RNF19A: variants seen among roughly 807,000 people sequenced by gnomAD.
The protein encoded by RNF19A is ring finger protein 19A, RBR E3 ubiquitin protein ligase.
A neutral mutation model predicts 75.7 loss-of-function variants in RNF19A; 32 were observed. The ratio of observed to expected loss-of-function variants is 0.42; its 90% CI spans 0.32 to 0.57. The LOEUF is 0.57. RNF19A is among the 20% of genes least tolerant of loss of function. The pLI is 0.10. For synonymous variants in RNF19A, 335 were observed against 345.2 expected, an observed-to-expected ratio of 0.97 and a Z score of 0.33; for missense variants, 782 against 1,036.3, an observed-to-expected ratio of 0.75 and a Z score of 3.37.
chr8:100,315,510 T>A (rs7830342), intron 1 of RNF19A, among the ~76,000 whole-genome samples: 70,139 of 151,942 alleles, frequency 0.46, 17,153 homozygotes, highest in African/African-American at 0.63. Context: ...AGAGATTCTC[T>A]TTCAGCACAA....
At chr8:100,314,458 G>A (rs1050814034), upstream of RNF19A, among the ~76,000 whole-genome samples, 1 of 152,080 alleles carries the variant, frequency 6.6e-6, no homozygotes, top group Admixed American at 6.6e-5. This position sits in a 1 kb window ranked among gnomAD's most constrained non-coding sequence, Gnocchi z 4.1. Flanking sequence ...CGGCAGGCTG[G>A]CTCCAGAGCT....
At chr8:100,314,153 A>G (rs1420246963), upstream of RNF19A, among the ~76,000 whole-genome samples, 1 of 151,982 alleles carries the variant, frequency 6.6e-6, no homozygotes, top group African/African-American at 2.4e-5. The surrounding 1 kb of genome is among the most constrained non-coding windows in gnomAD (Gnocchi z 4.1). Context: ...AAGTGCTGGG[A>G]TTGCAGGCAT....
At chr8:100,283,808 T>C (rs896674370) in intron 2 of RNF19A, among the ~76,000 whole-genome samples, 2 of 152,206 alleles carry the variant, frequency 1.3e-5, no homozygotes, top group African/African-American at 4.8e-5. Context: ...AAGTGTGTTA[T>C]ATAATAAAAG....
At position 100,276,548 on chromosome 8, in the gene RNF19A, T is replaced by TC. The variant is rs1036972301; in HGVS notation, c.675-1388dup. On this transcript the variant is annotated intron_variant, in intron 2 of 9. Coordinates refer to ENST00000341084, the MANE Select transcript of RNF19A (RefSeq NM_183419.4). The stretch of plus-strand genomic sequence containing the variant: ...GGGCAGATCACTTGAGGTCAGGAGT[T>TC]CAAGACCAGCCTGGTCAACATGGCA... Among the ~76,000 whole-genome samples, 27 of 151,712 alleles carry TC rather than the reference T, an allele frequency of 1.8e-4. 1 individual carries two copies. Among genetic ancestry groups the TC allele is most frequent in the African/African-American group, 6.0e-4 (25 of 41,342 alleles).
At chr8:100,307,547 C>CA (rs148803630) in intron 1 of RNF19A, among the ~76,000 whole-genome samples, 9,314 of 145,468 alleles carry the variant, frequency 0.064, 929 homozygotes, top group African/African-American at 0.21. Flanking sequence ...ACTGCCGCAA[C>CA]AAAAAAAAAA....
rs572435476 is a variant in RNF19A, at chr8:100,329,360, G to GA, written c.-243+6747dup. On this transcript the variant is annotated intron_variant, in intron 1 of 3. Transcript: ENST00000519527. The surrounding 1 kb of genome is among the most constrained non-coding windows in gnomAD (Gnocchi z 4.3). Reference sequence around the variant, plus strand: ...CCTGACTTGGCAGCCATTCATGAGGGAAAAAAAAAAGACTTGGGATTTTAA... The same window carrying GA: ...CCTGACTTGGCAGCCATTCATGAGGGAAAAAAAAAAAGACTTGGGATTTTAA... Among the ~76,000 whole-genome samples the GA allele has an allele frequency of 2.7e-5, 4 of 146,038 alleles. No homozygotes were observed. Among genetic ancestry groups the GA allele is most frequent in the Non-Finnish European group, 3.0e-5 (2 of 66,138 alleles).
At chr8:100,280,401 A>G (rs1332890631) in intron 2 of RNF19A, among the ~76,000 whole-genome samples, 1 of 152,172 alleles carries the variant, frequency 6.6e-6, no homozygotes, top group African/African-American at 2.4e-5. Context: ...GAGGACAGGT[A>G]GGGTTACGGG....
chr8:100,261,567 T>C lies in RNF19A; in HGVS notation c.1657A>G (p.Ser553Gly). The change falls in exon 8 of 10, where the codon AGT becomes GGT. Residue 553 changes from serine (S) to glycine (G), a missense_variant. Around this residue, in one of 7 missense-constraint regions of RNF19A, gnomAD observed 442 missense variants for 541.6 expected, o/e 0.82. Transcript: ENST00000341084. This position sits in a 1 kb window ranked among gnomAD's most constrained non-coding sequence, Gnocchi z 4.4. ...CTGTTAAAACAGTTTACCATGGCAC[T>C]TCCTGACAGACTCCCCGTTATACTG... Reference protein sequence around the residue: ...GASITGSLSGSAMVNCFNRLE... With the variant: ...GASITGSLSGGAMVNCFNRLE... 6.2e-7 allele frequency: 1 copy of C among 1,614,120 alleles called. No individual in the cohort carries two copies. Among genetic ancestry groups the C allele is most frequent in the Non-Finnish European group, 8.5e-7 (1 of 1,179,998 alleles).
chr8:100,294,485 T>C (rs1030647148), intron 1 of RNF19A, among the ~76,000 whole-genome samples: 1 of 152,192 alleles, frequency 6.6e-6, no homozygotes, highest in African/African-American at 2.4e-5. Context: ...AGGGGACATC[T>C]AGATATCTGA....
intron 1 of RNF19A, among the ~76,000 whole-genome samples, chr8:100,335,333 T>C (rs1307883249): frequency 1.3e-5 from 2 of 152,224 alleles, no homozygotes; most frequent in African/African-American, 4.8e-5. Flanking sequence ...ACTATTATTA[T>C]CCTCATTTTA....
chr8:100,310,459 C>G (rs1020922107), upstream of RNF19A: 4 of 160,150 alleles, frequency 2.5e-5, no homozygotes, highest in African/African-American at 9.6e-5. Flanking sequence ...GAGCTGCGCC[C>G]GGTTGAAGGG....
At chr8:100,306,193 C>A (rs1822054480) in intron 1 of RNF19A, among the ~76,000 whole-genome samples, 1 of 152,146 alleles carries the variant, frequency 6.6e-6, no homozygotes, top group Non-Finnish European at 1.5e-5. Context: ...GGGGCCAACT[C>A]CAGTTTTTTG....
chr8:100,266,742 G>C (rs1337294101), intron 5 of RNF19A, among the ~76,000 whole-genome samples: 1 of 151,880 alleles, frequency 6.6e-6, no homozygotes, highest in Non-Finnish European at 1.5e-5. Context: ...CAAACTCCTG[G>C]ATTAATGCAA....
At chr8:100,270,047 T>A in intron 3 of RNF19A, 34 bp from the exon 4 acceptor site, 1 of 1,477,374 alleles carries the variant, frequency 6.8e-7, no homozygotes, top group Non-Finnish European at 9.0e-7. Flanking sequence ...ATTAAGTACA[T>A]AAAACTGGTC....
chr8:100,292,267 G>A (rs754775591), intron 1 of RNF19A, among the ~76,000 whole-genome samples: 5 of 152,134 alleles, frequency 3.3e-5, no homozygotes, highest in Admixed American at 1.3e-4. Flanking sequence ...GGGAATCCAC[G>A]AGGAACATTT....
Position 100,333,810 on chromosome 8 carries a change from C to T in RNF19A, c.-243+2298G>A, listed in dbSNP as rs7817475. 0.019 allele frequency among the ~76,000 whole-genome samples: 2,882 copies of T among 152,224 alleles called. 84 individuals are homozygous for T. Among genetic ancestry groups the T allele is most frequent in the African/African-American group, 0.065 (2,695 of 41,518 alleles). On this transcript the variant is annotated intron_variant, in intron 1 of 3. Transcript: ENST00000519527. The surrounding 1 kb of genome is among the most constrained non-coding windows in gnomAD (Gnocchi z 4.7). ...TCCAGCCTGGGCAATAGAGTGACAC[C>T]CTGTCTGTAAACAATAACAACAAAA...
intron 3 of RNF19A, among the ~76,000 whole-genome samples, chr8:100,273,297 C>T (rs569197300): frequency 1.3e-5 from 2 of 152,222 alleles, no homozygotes; most frequent in South Asian, 4.1e-4. Flanking sequence ...TTCATAATTA[C>T]CCTCAAAGCT....
chr8:100,265,079 G>A (rs1023036169), intron 5 of RNF19A, among the ~76,000 whole-genome samples: 1 of 152,164 alleles, frequency 6.6e-6, no homozygotes, highest in Non-Finnish European at 1.5e-5. Flanking sequence ...TATGTATCGA[G>A]CAAAGAGGAA....
Position 100,287,684 on chromosome 8 carries a change from CT to C in RNF19A, c.490del (p.Arg164GlyfsTer2), listed in dbSNP as rs1430192943. Reference protein sequence around the residue: ...SCVDCLRQYLRIEISESRVNI... With the variant: ...SCVDCLRQYLXIEISESRVNI... The stretch of plus-strand genomic sequence containing the variant: ...AACTCTGCTTTCAGAGATTTCTATC[CT>C]TAAATATTGTCGTAAGCAATCCACA... On this transcript the variant is annotated frameshift_variant, in exon 2 of 10. Coordinates refer to ENST00000341084, the MANE Select transcript of RNF19A (RefSeq NM_183419.4). LOFTEE classifies it high-confidence loss of function. The surrounding 1 kb of genome is among the most constrained non-coding windows in gnomAD (Gnocchi z 4.1). 1 of 1,613,984 alleles carries C rather than the reference CT, an allele frequency of 6.2e-7. No individual in the cohort carries two copies.
Sources: allele counts gnomAD v4.1 joint callset (sites outside exome capture counted in the v4.1 genomes callset), GRCh38; gene constraint gnomAD v4.1.1; regional missense constraint gnomAD v4.1.1; non-coding constraint Gnocchi (gnomAD v3.1); transcripts MANE v1.5; gene names NCBI Gene and HGNC (gene_info 2026-07-23, HGNC 2026-07-21).